MARCHF1: variants seen among roughly 807,000 people sequenced by gnomAD.
MARCHF1 encodes E3 ubiquitin-protein ligase MARCHF1.
Under a neutral mutation model 54.2 loss-of-function variants are expected in MARCHF1, and 40 were observed. The ratio of observed to expected loss-of-function variants is 0.74; its 90% CI spans 0.57 to 0.96. The LOEUF (loss-of-function observed/expected upper bound fraction) is 0.96, where lower values mean the gene tolerates loss of function less well. Ranked by LOEUF, MARCHF1 falls within the 40% of genes least tolerant of loss-of-function variation. The pLI, the probability that MARCHF1 is intolerant of heterozygous loss-of-function variation, is 0.00. For missense variants in MARCHF1, 586 were observed against 656.5 expected, an observed-to-expected ratio of 0.89 and a Z score of 1.17; for synonymous variants, 236 against 236.3, an observed-to-expected ratio of 1.00 and a Z score of 0.01.
chr4:164,143,196 T>G (rs1456913391), intron 1 of MARCHF1, among the ~76,000 whole-genome samples: 1 of 152,004 alleles, frequency 6.6e-6, no homozygotes, highest in African/African-American at 2.4e-5. Flanking sequence ...CTACGTCTGA[T>G]TGCTGTACCT....
chr4:164,350,376 G>A (rs991117777), intron 1 of MARCHF1, among the ~76,000 whole-genome samples: 1 of 152,182 alleles, frequency 6.6e-6, no homozygotes, highest in African/African-American at 2.4e-5. Flanking sequence ...AGGATAGGGA[G>A]AGGTTTGTTA....
At chr4:163,717,749 G>A (rs1258325858) in intron 4 of MARCHF1, among the ~76,000 whole-genome samples, 1 of 152,174 alleles carries the variant, frequency 6.6e-6, no homozygotes, top group Non-Finnish European at 1.5e-5. Flanking sequence ...GATGGCCAGT[G>A]ATAATGAGCA....
At chr4:163,715,563 A>G (rs1243600886) in intron 4 of MARCHF1, among the ~76,000 whole-genome samples, 1 of 152,200 alleles carries the variant, frequency 6.6e-6, no homozygotes, top group Non-Finnish European at 1.5e-5. Context: ...CTTTGGGTTT[A>G]TAAAGTGTTT....
At position 164,046,103 on chromosome 4, in the gene MARCHF1, C is replaced by T. The variant is rs191878576; in HGVS notation, c.-247-57394G>A. 6.0e-4 allele frequency among the ~76,000 whole-genome samples: 92 copies of T among 152,260 alleles called. 1 individual carries two copies. Among genetic ancestry groups the T allele is most frequent in the Middle Eastern group, 6.8e-3 (2 of 294 alleles). On this transcript the variant is annotated intron_variant, in intron 2 of 9. Coordinates refer to ENST00000514618, the MANE Select transcript of MARCHF1 (RefSeq NM_001394959.1). ...AAGCCCCAGTTTTCATAGAACGAAG[C>T]AATAAGAGACAGGTGACAGCTGTGC... is the stretch of plus-strand genomic sequence containing the variant.
chr4:164,195,851 T>G (rs1422956170), intron 1 of MARCHF1, among the ~76,000 whole-genome samples: 1 of 151,932 alleles, frequency 6.6e-6, no homozygotes, highest in African/African-American at 2.4e-5. Context: ...TATGCTTTTA[T>G]TTTTATACAT....
chr4:163,830,324 A>AAT (rs988759659), intron 4 of MARCHF1, among the ~76,000 whole-genome samples: 1 of 150,952 alleles, frequency 6.6e-6, no homozygotes, highest in Non-Finnish European at 1.5e-5. Flanking sequence ...ATATTTTATA[A>AAT]ATATATATTA....
At chr4:164,006,325 C>T (rs1170753618) in intron 2 of MARCHF1, among the ~76,000 whole-genome samples, 1 of 151,938 alleles carries the variant, frequency 6.6e-6, no homozygotes, top group Non-Finnish European at 1.5e-5. Context: ...ATTTGTTGCA[C>T]TGAAGAACTC....
At chr4:164,291,881 T>C (rs1309442463) in intron 1 of MARCHF1, among the ~76,000 whole-genome samples, 1 of 152,116 alleles carries the variant, frequency 6.6e-6, no homozygotes, top group Non-Finnish European at 1.5e-5. Context: ...AGAGGTGCTT[T>C]TGAAGTGTTA....
chr4:164,342,417 T>G (rs1729955451), intron 1 of MARCHF1, among the ~76,000 whole-genome samples: 1 of 151,880 alleles, frequency 6.6e-6, no homozygotes. Flanking sequence ...CTCAACTAAT[T>G]AAAAATAAAA....
At chr4:163,772,486 A>G (rs1747189910) in intron 4 of MARCHF1, among the ~76,000 whole-genome samples, 1 of 152,112 alleles carries the variant, frequency 6.6e-6, no homozygotes, top group Non-Finnish European at 1.5e-5. Context: ...GGAAAAATCC[A>G]CTGCCCATCT....
intron 1 of MARCHF1, among the ~76,000 whole-genome samples, chr4:164,141,811 G>A (rs1162444227): frequency 6.6e-6 from 1 of 152,206 alleles, no homozygotes; most frequent in Non-Finnish European, 1.5e-5. Context: ...TATGTTGGGG[G>A]GAGGAGCCAA....
At chr4:164,051,797 G>A (rs1754374146) in intron 2 of MARCHF1, among the ~76,000 whole-genome samples, 1 of 152,200 alleles carries the variant, frequency 6.6e-6, no homozygotes, top group Non-Finnish European at 1.5e-5. Context: ...TGGCACTACA[G>A]AAGTCTTTAG....
chr4:163,843,705 G>C (rs185204894), intron 4 of MARCHF1, among the ~76,000 whole-genome samples: 2 of 151,784 alleles, frequency 1.3e-5, no homozygotes, highest in East Asian at 3.9e-4. Flanking sequence ...ACTTGCCCCC[G>C]ACAGGACCCA....
intron 1 of MARCHF1, among the ~76,000 whole-genome samples, chr4:164,331,008 G>T (rs748035935): frequency 2.0e-5 from 3 of 152,106 alleles, no homozygotes; most frequent in Non-Finnish European, 4.4e-5. Flanking sequence ...TGTGTCAGTA[G>T]ATAATTAAGT....
At chr4:163,532,023 C>T (rs1225256984) in intron 9 of MARCHF1, among the ~76,000 whole-genome samples, 2 of 151,820 alleles carry the variant, frequency 1.3e-5, no homozygotes, top group African/African-American at 4.8e-5. Context: ...CTATTCTTCC[C>T]AGTTTGATCT....
At chr4:163,575,268 A>G (rs1220437753) in intron 8 of MARCHF1, among the ~76,000 whole-genome samples, 1 of 152,014 alleles carries the variant, frequency 6.6e-6, no homozygotes, top group African/African-American at 2.4e-5. Flanking sequence ...ACTTCATTGA[A>G]AAGCTTCCTT....
intron 2 of MARCHF1, among the ~76,000 whole-genome samples, chr4:164,100,302 T>G (rs1332208155): frequency 6.6e-6 from 1 of 152,200 alleles, no homozygotes; most frequent in Non-Finnish European, 1.5e-5. Flanking sequence ...CTAAACTCAT[T>G]AAGAGAGTCA....
At chr4:164,255,565 A>ATTTTAG (rs1415162808) in intron 1 of MARCHF1, among the ~76,000 whole-genome samples, 1 of 152,092 alleles carries the variant, frequency 6.6e-6, no homozygotes, top group African/African-American at 2.4e-5. Flanking sequence ...GCTTTACAAC[A>ATTTTAG]GATCCACCTA....
chr4:164,245,052 C>G (rs1357628177), intron 1 of MARCHF1, among the ~76,000 whole-genome samples: 5 of 152,128 alleles, frequency 3.3e-5, no homozygotes. Flanking sequence ...GGTACCATTC[C>G]TTCTGAAACT....
Sources: gnomAD v4.1 joint callset for allele counts (sites outside exome capture counted in the v4.1 genomes callset) on GRCh38, gnomAD v4.1.1 for gene constraint, MANE v1.5 for transcripts, NCBI Gene and HGNC (gene_info 2026-07-23, HGNC 2026-07-21) for gene names.